Variants in LINGO2 observed in about 807,000 individuals in gnomAD.
LINGO2 encodes the protein leucine rich repeat and Ig domain containing 2.
Under a neutral mutation model 30.6 loss-of-function variants are expected in LINGO2, and 14 were observed. The ratio of observed to expected loss-of-function variants is 0.46; its 90% confidence interval spans 0.30 to 0.72. The LOEUF is 0.72. Among genes scored for constraint, LINGO2 ranks in the 30% least tolerant of loss-of-function variants. LINGO2 has a pLI of 0.07. For missense variants in LINGO2, 729 were observed against 751.7 expected (o/e 0.97, Z 0.35); for synonymous variants, 317 against 288.5 (o/e 1.10, Z -1.00).
the LINGO2 span, among the ~76,000 whole-genome samples, chr9:28,884,871 C>T: frequency 7.4e-6 from 1 of 134,696 alleles, no homozygotes; most frequent in Admixed American, 7.9e-5. Context: ...TATATACACA[C>T]ATATACACTA....
chr9:28,854,833 T>C, the LINGO2 span, among the ~76,000 whole-genome samples: 1 of 151,970 alleles, frequency 6.6e-6, no homozygotes, highest in Admixed American at 6.6e-5. Context: ...CAGCCTTATG[T>C]TCTTTGGCAC....
At chr9:28,570,873 T>C (rs1823655346) in intron 1 of LINGO2, among the ~76,000 whole-genome samples, 1 of 151,998 alleles carries the variant, frequency 6.6e-6, no homozygotes, top group African/African-American at 2.4e-5. Flanking sequence ...TAGACATGCA[T>C]TGTATTCACT....
chr9:28,678,866 A>T, the LINGO2 span, among the ~76,000 whole-genome samples: 1 of 152,170 alleles, frequency 6.6e-6, no homozygotes, highest in Non-Finnish European at 1.5e-5. Context: ...TTACTTAGAA[A>T]AACTCATTAC....
intron 2 of LINGO2, among the ~76,000 whole-genome samples, chr9:28,443,301 A>G (rs1824274008): frequency 6.6e-6 from 1 of 152,228 alleles, no homozygotes; most frequent in African/African-American, 2.4e-5. Context: ...GTAGAGGCCC[A>G]TCTGGAGCAA....
intron 4 of LINGO2, among the ~76,000 whole-genome samples, chr9:28,171,808 A>T (rs1587133813): frequency 6.6e-6 from 1 of 150,562 alleles, no homozygotes; most frequent in Non-Finnish European, 1.5e-5. Flanking sequence ...GGAGATGGAC[A>T]CCATGCTGGC....
At chr9:28,713,724 A>G in the LINGO2 span, among the ~76,000 whole-genome samples, 2 of 152,150 alleles carry the variant, frequency 1.3e-5, no homozygotes, top group Non-Finnish European at 2.9e-5. Context: ...CTTGGAAGAC[A>G]GTAAGAAGCA....
At chr9:28,949,476 A>G in the LINGO2 span, among the ~76,000 whole-genome samples, 20 of 152,192 alleles carry the variant, frequency 1.3e-4, no homozygotes, top group African/African-American at 4.3e-4. Flanking sequence ...AGAATACTGT[A>G]AACACATCTA....
At chr9:28,274,079 G>T (rs932235936) in intron 4 of LINGO2, among the ~76,000 whole-genome samples, 1 of 152,070 alleles carries the variant, frequency 6.6e-6, no homozygotes, top group Admixed American at 6.5e-5. Flanking sequence ...CTAAAATGGA[G>T]TTATAATTAA....
At chr9:28,195,201 T>C (rs1034499083) in intron 4 of LINGO2, among the ~76,000 whole-genome samples, 3 of 151,866 alleles carry the variant, frequency 2.0e-5, no homozygotes, top group African/African-American at 7.2e-5. Context: ...TTGGAATGTA[T>C]AGGAACCAGC....
chr9:28,308,581 G>A (rs1228433409), intron 3 of LINGO2, among the ~76,000 whole-genome samples: 1 of 145,506 alleles, frequency 6.9e-6, no homozygotes, highest in Admixed American at 7.0e-5. Context: ...ATTGACAAAC[G>A]GGATCTCATT....
At chr9:28,632,663 ATATAAAATATCTATATAAAAATATATT>A (rs2135884766) in intron 1 of LINGO2, among the ~76,000 whole-genome samples, 1 of 113,618 alleles carries the variant, frequency 8.8e-6, no homozygotes, top group East Asian at 2.8e-4. Context: ...TATTTTATCT[ATATAAAATATCTATATAAAAATATATT>A]TATATAGATC....
chr9:28,980,077 T>C, the LINGO2 span, among the ~76,000 whole-genome samples: 1 of 152,142 alleles, frequency 6.6e-6, no homozygotes, highest in African/African-American at 2.4e-5. Flanking sequence ...CTTCCAACAG[T>C]GTTTACAACT....
chr9:28,004,404 T>C (rs10968269), intron 5 of LINGO2, among the ~76,000 whole-genome samples: 4,055 of 152,324 alleles, frequency 0.027, 88 homozygotes, highest in South Asian at 0.067. Flanking sequence ...GTACAAATAG[T>C]ATATGCTCAA....
At chr9:28,871,346 T>C in the LINGO2 span, among the ~76,000 whole-genome samples, 1 of 151,312 alleles carries the variant, frequency 6.6e-6, no homozygotes, top group South Asian at 2.1e-4. Context: ...TGAAAATATA[T>C]ATGCATATAG....
At chr9:29,071,928 A>G in the LINGO2 span, among the ~76,000 whole-genome samples, 3 of 152,138 alleles carry the variant, frequency 2.0e-5, no homozygotes, top group Non-Finnish European at 4.4e-5. Flanking sequence ...TTACATGCCT[A>G]AAATTGTAAG....
At chr9:28,583,021 A>T (rs1465321581) in intron 1 of LINGO2, among the ~76,000 whole-genome samples, 1 of 152,166 alleles carries the variant, frequency 6.6e-6, no homozygotes, top group East Asian at 1.9e-4. Context: ...AACAGAGGAC[A>T]ATCATTAAAT....
the LINGO2 span, among the ~76,000 whole-genome samples, chr9:28,799,104 G>A: frequency 6.6e-6 from 1 of 152,048 alleles, no homozygotes; most frequent in Non-Finnish European, 1.5e-5. Flanking sequence ...TTGGCAGAGA[G>A]AAGTAAAGAC....
intron 4 of LINGO2, among the ~76,000 whole-genome samples, chr9:28,099,430 C>A (rs1587846040): frequency 1.3e-5 from 2 of 152,132 alleles, no homozygotes; most frequent in South Asian, 2.1e-4. Context: ...TTAAATACCA[C>A]GTGGACAAGT....
chr9:28,417,210 A>G (rs1305331488), intron 2 of LINGO2, among the ~76,000 whole-genome samples: 1 of 152,186 alleles, frequency 6.6e-6, no homozygotes, highest in Non-Finnish European at 1.5e-5. Context: ...GTTTTCAGGG[A>G]CATGAAATGG....
Sources: gnomAD v4.1 joint callset for allele counts (sites outside exome capture counted in the v4.1 genomes callset) on GRCh38, gnomAD v4.1.1 for gene constraint, MANE v1.5 for transcripts, NCBI Gene and HGNC (gene_info 2026-07-23, HGNC 2026-07-21) for gene names.